The following TAFA1 variants were observed in gnomAD, a reference collection of about 807,000 sequenced individuals.
The protein encoded by TAFA1 is TAFA chemokine like family member 1.
Under a neutral mutation model 18.5 loss-of-function variants are expected in TAFA1, and 4 were observed. The observed-to-expected ratio is 0.22, with a 90% CI of 0.11 to 0.49. The LOEUF (loss-of-function observed/expected upper bound fraction) is 0.49. Among genes scored for constraint, TAFA1 ranks in the 20% least tolerant of loss-of-function variants. The pLI is 0.98. For synonymous variants in TAFA1, 56 were observed against 55.2 expected (o/e 1.01, Z -0.06); for missense variants, 147 against 169.0 (o/e 0.87, Z 0.72).
chr3:68,378,538 G>C (rs1021121115), intron 2 of TAFA1, among the ~76,000 whole-genome samples: 13 of 152,100 alleles, frequency 8.5e-5, no homozygotes, highest in Non-Finnish European at 1.6e-4. Context: ...TGAGACTTTG[G>C]ACTGTGGATC....
chr3:68,139,329 C>T (rs1209361773), intron 2 of TAFA1, among the ~76,000 whole-genome samples: 4 of 152,112 alleles, frequency 2.6e-5, no homozygotes, highest in Non-Finnish European at 4.4e-5. Context: ...AGAGTGAACA[C>T]TGTTTCAATA....
intron 2 of TAFA1, among the ~76,000 whole-genome samples, chr3:68,150,309 G>T (rs1265246070): frequency 6.6e-6 from 1 of 152,184 alleles, no homozygotes; most frequent in Non-Finnish European, 1.5e-5. Flanking sequence ...CTCAGAGGTT[G>T]AGTAATTGGT....
chr3:68,493,870 G>A (rs1051841818), intron 3 of TAFA1, among the ~76,000 whole-genome samples: 2 of 152,124 alleles, frequency 1.3e-5, no homozygotes, highest in African/African-American at 4.8e-5. Context: ...GACAGCATCT[G>A]GAATTTGTAT....
chr3:68,010,642 A>G (rs192630117), intron 2 of TAFA1, among the ~76,000 whole-genome samples: 172 of 152,326 alleles, frequency 1.1e-3, no homozygotes, highest in Middle Eastern at 6.8e-3. Flanking sequence ...TTAGGAATGC[A>G]CCATTTATTT....
chr3:68,362,527 T>C (rs1487494367), intron 2 of TAFA1, among the ~76,000 whole-genome samples: 1 of 152,164 alleles, frequency 6.6e-6, no homozygotes, highest in African/African-American at 2.4e-5. Context: ...ATTTAATACA[T>C]ATCTATTGGA....
chr3:68,238,020 A>G (rs2107130220), intron 2 of TAFA1, among the ~76,000 whole-genome samples: 1 of 151,734 alleles, frequency 6.6e-6, no homozygotes, highest in Non-Finnish European at 1.5e-5. Flanking sequence ...CATGAAGGCG[A>G]AGGCCAGGGT....
At chr3:68,476,589 A>G (rs1301862741) in intron 3 of TAFA1, among the ~76,000 whole-genome samples, 1 of 152,194 alleles carries the variant, frequency 6.6e-6, no homozygotes, top group Admixed American at 6.5e-5. Flanking sequence ...GTCATTTTTC[A>G]AGTTGACTTA....
At chr3:68,045,671 C>T (rs373068890) in intron 2 of TAFA1, among the ~76,000 whole-genome samples, 27 of 152,024 alleles carry the variant, frequency 1.8e-4, no homozygotes, top group African/African-American at 5.3e-4. Flanking sequence ...AGGACAAATA[C>T]GGTTCTGAGC....
At chr3:68,403,562 AT>A (rs1302270033) in intron 2 of TAFA1, among the ~76,000 whole-genome samples, 1 of 152,222 alleles carries the variant, frequency 6.6e-6, no homozygotes, top group East Asian at 1.9e-4. Flanking sequence ...ATGGCTGGAA[AT>A]TGTGACACAT....
intron 2 of TAFA1, among the ~76,000 whole-genome samples, chr3:68,306,133 A>G (rs924355763): frequency 6.6e-6 from 1 of 152,238 alleles, no homozygotes; most frequent in African/African-American, 2.4e-5. Context: ...AGGGAGCTTC[A>G]GATTCCAAAA....
intron 2 of TAFA1, among the ~76,000 whole-genome samples, chr3:68,288,117 CCT>C (rs1310963948): frequency 6.6e-6 from 1 of 152,044 alleles, no homozygotes; most frequent in East Asian, 1.9e-4. Context: ...GGTGATCTCC[CCT>C]CTCTTTTCAT....
At chr3:68,456,044 G>A (rs2071658098) in intron 3 of TAFA1, among the ~76,000 whole-genome samples, 1 of 152,138 alleles carries the variant, frequency 6.6e-6, no homozygotes, top group Non-Finnish European at 1.5e-5. Context: ...TGGGTAGCCA[G>A]GAGCATTGTC....
chr3:68,473,070 G>C (rs890651623), intron 3 of TAFA1, among the ~76,000 whole-genome samples: 1 of 152,176 alleles, frequency 6.6e-6, no homozygotes, highest in South Asian at 2.1e-4. Flanking sequence ...CTGCTTTCAA[G>C]ATCAAAGTGA....
chr3:68,302,034 T>C (rs2068311089), intron 2 of TAFA1, among the ~76,000 whole-genome samples: 1 of 152,252 alleles, frequency 6.6e-6, no homozygotes, highest in Non-Finnish European at 1.5e-5. Context: ...TTATATCATG[T>C]TATTTTAGCT....
chr3:68,009,574 T>C (rs1480302348), intron 2 of TAFA1, among the ~76,000 whole-genome samples: 1 of 152,184 alleles, frequency 6.6e-6, no homozygotes, highest in Admixed American at 6.5e-5. Flanking sequence ...ATGAAGAAAC[T>C]ATAAATATCC....
intron 2 of TAFA1, among the ~76,000 whole-genome samples, chr3:68,147,860 T>TA (rs1375843104): frequency 6.6e-6 from 1 of 152,196 alleles, no homozygotes; most frequent in Non-Finnish European, 1.5e-5. Context: ...TTGTAAGCAT[T>TA]AAATGTGGCA....
intron 2 of TAFA1, among the ~76,000 whole-genome samples, chr3:68,244,198 C>T (rs2067037103): frequency 1.3e-5 from 2 of 152,162 alleles, no homozygotes; most frequent in South Asian, 4.1e-4. Context: ...ATATCTTCTT[C>T]CAAACTCTAA....
chr3:68,307,261 A>G (rs1424349558), intron 2 of TAFA1, among the ~76,000 whole-genome samples: 1 of 152,146 alleles, frequency 6.6e-6, no homozygotes, highest in Non-Finnish European at 1.5e-5. Flanking sequence ...TTTGTACCTC[A>G]TTTTTCGAAA....
chr3:68,169,572 A>G (rs1423059521), intron 2 of TAFA1, among the ~76,000 whole-genome samples: 1 of 152,256 alleles, frequency 6.6e-6, no homozygotes, highest in African/African-American at 2.4e-5. Context: ...TAAGCTCATA[A>G]GTCTTAAGGA....
Sources: allele counts gnomAD v4.1 joint callset (sites outside exome capture counted in the v4.1 genomes callset), GRCh38; gene constraint gnomAD v4.1.1; transcripts MANE v1.5; gene names NCBI Gene and HGNC (gene_info 2026-07-23, HGNC 2026-07-21).